Variants in UGT2A3 observed in about 807,000 individuals in gnomAD.
The protein encoded by UGT2A3 is UDP-glucuronosyltransferase 2A3.
Under a neutral mutation model 44.1 loss-of-function variants are expected in UGT2A3, and 55 were observed. The ratio of observed to expected loss-of-function variants is 1.25; its 90% CI spans 1.00 to 1.56. The LOEUF is 1.56. UGT2A3 is among the 40% of genes most tolerant of loss of function. The pLI, the probability that UGT2A3 is intolerant of heterozygous loss-of-function variation, is 0.00. For missense variants in UGT2A3, 733 were observed against 621.6 expected, an observed-to-expected ratio of 1.18 and a Z score of -1.91; for synonymous variants, 243 against 215.1, an observed-to-expected ratio of 1.13 and a Z score of -1.13.
At chr4:68,942,491 G>A (rs1718226681) in intron 2 of UGT2A3, among the ~76,000 whole-genome samples, 2 of 125,650 alleles carry the variant, frequency 1.6e-5, no homozygotes, top group Non-Finnish European at 3.2e-5. Flanking sequence ...TAGCTCAATA[G>A]CATTCCACTG....
chr4:68,947,156 T>C (rs190995141), intron 1 of UGT2A3, among the ~76,000 whole-genome samples: 8 of 151,866 alleles, frequency 5.3e-5, no homozygotes, highest in Admixed American at 5.3e-4. Context: ...AGTTTACCCA[T>C]AGTAGAATTT....
rs185275100 is a variant in UGT2A3 at position 68,942,378 on chromosome 4, G to A, written c.864+2928C>T. Among the ~76,000 whole-genome samples the A allele has an allele frequency of 4.4e-4, 66 of 148,510 alleles. 2 individuals are homozygous for A. In the East Asian group the frequency reaches 9.6e-3, roughly 21 times the overall value. Reference sequence around the variant, plus strand: ...GCAATGAAATGGATATGTATATTGTGTGTGTTTATATGTATAGATATATAT... The same window carrying A: ...GCAATGAAATGGATATGTATATTGTATGTGTTTATATGTATAGATATATAT... On this transcript the variant is annotated intron_variant, in intron 2 of 5. Coordinates refer to ENST00000251566, the MANE Select transcript of UGT2A3 (RefSeq NM_024743.4).
chr4:68,936,265 A>G (rs1717949185), intron 2 of UGT2A3, among the ~76,000 whole-genome samples: 1 of 152,124 alleles, frequency 6.6e-6, no homozygotes, highest in Non-Finnish European at 1.5e-5. Flanking sequence ...TAATTGTCAG[A>G]TTCACTAAGG....
rs113651693 is a variant in UGT2A3, at chr4:68,930,772, T to C, written c.1085-7A>G. On this transcript the variant is annotated splice_polypyrimidine_tract_variant and splice_region_variant and intron_variant, in intron 4 of 5. Coordinates refer to ENST00000251566, the MANE Select transcript of UGT2A3 (RefSeq NM_024743.4). ...GCTTTGGTTTTGGGATGACCTAGTA[T>C]GTAAATTGGATGAGAAATGGTGAGA... The C allele has an allele frequency of 6.5e-4, 1,015 of 1,564,560 alleles. 6 individuals carry two copies. The African/African-American group carries it at 0.013, about 19-fold the overall frequency.
chr4:68,938,056 A>C (rs1449781575), intron 2 of UGT2A3, among the ~76,000 whole-genome samples: 1 of 151,020 alleles, frequency 6.6e-6, no homozygotes, highest in East Asian at 1.9e-4. Context: ...TCAGAAATTG[A>C]GGCAATAATA....
intron 2 of UGT2A3, among the ~76,000 whole-genome samples, chr4:68,942,991 A>G (rs1158419592): frequency 6.6e-6 from 1 of 151,828 alleles, no homozygotes; most frequent in Admixed American, 6.6e-5. Context: ...ATTTAAATGT[A>G]TTGTAATACC....
intron 2 of UGT2A3, among the ~76,000 whole-genome samples, chr4:68,942,333 C>A (rs1321026970): frequency 3.2e-4 from 46 of 143,534 alleles, no homozygotes; most frequent in South Asian, 1.3e-3. Flanking sequence ...CTCTCTCTCT[C>A]TCTCTCTATA....
chr4:68,947,728 A>G (rs983815176), intron 1 of UGT2A3, among the ~76,000 whole-genome samples: 1 of 151,824 alleles, frequency 6.6e-6, no homozygotes, highest in African/African-American at 2.4e-5. Flanking sequence ...GATGGATGTA[A>G]TAATAGCAAG....
At chr4:68,944,537 T>A (rs1718311897) in intron 2 of UGT2A3, among the ~76,000 whole-genome samples, 1 of 151,832 alleles carries the variant, frequency 6.6e-6, no homozygotes, top group African/African-American at 2.4e-5. Flanking sequence ...TTTTTTCCTC[T>A]GATGATTTAG....
At chr4:68,943,391 G>C (rs1427524553) in intron 2 of UGT2A3, 2 of 1,109,282 alleles carry the variant, frequency 1.8e-6, no homozygotes, top group Non-Finnish European at 2.3e-6. Context: ...GGTAAGTAAA[G>C]TGATATTAAT....
chr4:68,943,396 A>G, intron 2 of UGT2A3: 1 of 1,020,944 alleles, frequency 9.8e-7, no homozygotes, highest in Non-Finnish European at 1.3e-6. Flanking sequence ...GTAAAGTGAT[A>G]TTAATAATTA....
rs767281396 is a variant in UGT2A3, at chr4:68,931,215, GT to G, written c.1023del (p.Lys341AsnfsTer5). 3 of 1,612,660 alleles carry G rather than the reference GT, an allele frequency of 1.9e-6. No homozygotes were observed. Among genetic ancestry groups the G allele is most frequent in the Non-Finnish European group, 2.5e-6 (3 of 1,179,302 alleles). On this transcript the variant is annotated frameshift_variant, in exon 4 of 6. Coordinates refer to ENST00000251566, the MANE Select transcript of UGT2A3 (RefSeq NM_024743.4). LOFTEE classifies it high-confidence loss of function. ...QKVLWRYKGK[K>X]PSTLGANTRL... The stretch of plus-strand genomic sequence containing the variant: ...CGAGTATTGGCTCCTAATGTGGATG[GT>G]TTTTTTCCTTTGTACCTCCATAACA...
Position 68,929,870 on chromosome 4 carries a change from A to T in UGT2A3, c.1527T>A (p.Cys509Ter). The change falls in exon 6 of 6, where the codon TGT (cysteine) becomes TGA (stop). Residue 509 changes from cysteine (C) to a stop codon, truncating the protein, a stop_gained. Coordinates refer to ENST00000251566, the MANE Select transcript of UGT2A3 (RefSeq NM_024743.4). LOFTEE classifies it low-confidence loss of function (END_TRUNC). ...TAAATTTTTGACAGGAAAATAAAAAACATTTTGTGAACAAGAATATAGCAG... is the reference window on the plus strand; with the variant it reads ...TAAATTTTTGACAGGAAAATAAAAATCATTTTGTGAACAAGAATATAGCAG... The part of the protein sequence containing the change: ...VATAIFLFTK[C>*]FLFSCQKFNK... 1 of 1,609,636 alleles carries T rather than the reference A, an allele frequency of 6.2e-7. No homozygotes were observed. The highest frequency in any genetic ancestry group is 1.1e-5 in the South Asian group (1 of 90,060).
rs190042785 is a variant in UGT2A3, at chr4:68,936,839, T to A, written c.865-4080A>T. Among the ~76,000 whole-genome samples the A allele has an allele frequency of 1.5e-3, 171 of 114,624 alleles. 2 individuals are homozygous for A. The South Asian group carries it at 0.025, about 16-fold the overall frequency. 75.2% of individuals were successfully genotyped at this position (114,624 alleles called of 152,430 possible). A position where few individuals can be genotyped will look rare whatever the true frequency, so the allele number is the denominator to read the frequency against. ...CCCATCTCACATACAGAGACACACA[T>A]AGACACAAAATAAAGTGATAAAGGA... On this transcript the variant is annotated intron_variant, in intron 2 of 5. Coordinates refer to ENST00000251566, the MANE Select transcript of UGT2A3 (RefSeq NM_024743.4).
At chr4:68,932,562 C>A (rs1187830847) in intron 3 of UGT2A3, 66 bp downstream of exon 3, 5 of 1,524,414 alleles carry the variant, frequency 3.3e-6, no homozygotes, top group African/African-American at 1.4e-5. Context: ...AGATTCAAGA[C>A]CCAAATAAAA....
chr4:68,937,100 A>G (rs755886511), intron 2 of UGT2A3, among the ~76,000 whole-genome samples: 1 of 150,802 alleles, frequency 6.6e-6, no homozygotes, highest in African/African-American at 2.4e-5. Flanking sequence ...CGACAAAGAG[A>G]CATACAATAA....
At chr4:68,948,281 C>CCTCT (rs1326829837) in intron 1 of UGT2A3, among the ~76,000 whole-genome samples, 11 of 151,742 alleles carry the variant, frequency 7.2e-5, no homozygotes, top group African/African-American at 2.7e-4. Context: ...CATTAGTCAA[C>CCTCT]CTCTACTAGC....
Position 68,929,604 on chromosome 4 carries a change from C to T in UGT2A3, c.*209G>A, listed in dbSNP as rs542559706. Reference sequence around the variant, plus strand: ...TAGATGTATTCATGTCCTTGTGTCACAAAGTGAGAGAAGAGAGTAAAGACA... The same window carrying T: ...TAGATGTATTCATGTCCTTGTGTCATAAAGTGAGAGAAGAGAGTAAAGACA... On this transcript the variant is annotated 3_prime_UTR_variant, in exon 6 of 6. Transcript: ENST00000251566. 1.4e-4 allele frequency: 64 copies of T among 467,982 alleles called. No individual in the cohort carries two copies. Among genetic ancestry groups the T allele is most frequent in the African/African-American group, 1.1e-3 (57 of 51,022 alleles). 29.0% of individuals were successfully genotyped at this position (467,982 alleles called of 1,614,324 possible). A position where few individuals can be genotyped will look rare whatever the true frequency, so the allele number is the denominator to read the frequency against.
intron 1 of UGT2A3, among the ~76,000 whole-genome samples, chr4:68,950,030 G>A (rs1226544082): frequency 6.6e-6 from 1 of 151,676 alleles, no homozygotes; most frequent in African/African-American, 2.4e-5. Context: ...TTGTCAGGGG[G>A]CTTTTACTAT....
Sources: gnomAD v4.1 joint callset for allele counts (sites outside exome capture counted in the v4.1 genomes callset) on GRCh38, gnomAD v4.1.1 for gene constraint, MANE v1.5 for transcripts, NCBI Gene and HGNC (gene_info 2026-07-23, HGNC 2026-07-21) for gene names.